PLS3: variants seen among roughly 807,000 people sequenced by gnomAD.
The protein encoded by PLS3 is plastin 3.
PLS3 carries 11 observed loss-of-function variants against 46.5 expected under a neutral mutation model. The ratio of observed to expected loss-of-function variants is 0.24; its 90% CI spans 0.15 to 0.39. The LOEUF (loss-of-function observed/expected upper bound fraction) is 0.39, where lower values mean the gene tolerates loss of function less well. PLS3 is among the 10% of genes least tolerant of loss of function. The pLI is 1.00. For synonymous variants in PLS3, 167 were observed against 162.2 expected, an observed-to-expected ratio of 1.03 and a Z score of -0.22; for missense variants, 308 against 461.8, an observed-to-expected ratio of 0.67 and a Z score of 3.05.
At chrX:115,575,837 T>C (rs1261035297) in intron 1 of PLS3, among the ~76,000 whole-genome samples, 2 of 112,165 alleles carry the variant, frequency 1.8e-5, no homozygotes, top group Non-Finnish European at 3.8e-5. Context: ...GTAGTATTTA[T>C]ACTGGAATAA....
At chrX:115,628,798 T>C (rs1193428200) in intron 3 of PLS3, among the ~76,000 whole-genome samples, 1 of 112,310 alleles carries the variant, frequency 8.9e-6, no homozygotes, top group African/African-American at 3.2e-5. Context: ...GGTTAAATCA[T>C]AAAATTTTAT....
At chrX:115,621,977 G>T in intron 2 of PLS3, 1 of 253,418 alleles carries the variant, frequency 3.9e-6, no homozygotes, top group Non-Finnish European at 6.9e-6. Flanking sequence ...AATAATAATT[G>T]TATTAGCCAA....
At chrX:115,641,255 T>G (rs1321741556) in intron 9 of PLS3, among the ~76,000 whole-genome samples, 2 of 96,003 alleles carry the variant, frequency 2.1e-5, no homozygotes, top group East Asian at 6.4e-4. Context: ...TGAGACAGAG[T>G]CTCACTCTGT....
At chrX:115,616,173 T>C (rs1373360156) in intron 2 of PLS3, among the ~76,000 whole-genome samples, 2 of 112,253 alleles carry the variant, frequency 1.8e-5, no homozygotes, top group African/African-American at 6.5e-5. Context: ...TCAAACATAC[T>C]GAACAGCAAC....
At chrX:115,612,538 G>A (rs1007826456) in intron 2 of PLS3, among the ~76,000 whole-genome samples, 2 of 110,921 alleles carry the variant, frequency 1.8e-5, no homozygotes, top group African/African-American at 6.5e-5. Flanking sequence ...TTTTGTGGGG[G>A]TGGGTTGGCA....
At chrX:115,625,213 G>A (rs1193605249) in intron 3 of PLS3, among the ~76,000 whole-genome samples, 1 of 111,399 alleles carries the variant, frequency 9.0e-6, no homozygotes, top group Non-Finnish European at 1.9e-5. Flanking sequence ...TTGCTTGTTA[G>A]GTTTCTGCTT....
chrX:115,639,247 ATTCCT>A (rs2074870741), intron 8 of PLS3, among the ~76,000 whole-genome samples: 1 of 111,991 alleles, frequency 8.9e-6, no homozygotes, highest in Non-Finnish European at 1.9e-5. Context: ...GTAGTACACT[ATTCCT>A]TAAGAGGTAA....
At chrX:115,607,577 C>T (rs2074506683) in intron 1 of PLS3, among the ~76,000 whole-genome samples, 1 of 108,204 alleles carries the variant, frequency 9.2e-6, no homozygotes, top group Admixed American at 1.0e-4. Context: ...CCGCTCACTG[C>T]AACCTCTACC....
At chrX:115,592,792 T>C (rs1359171532) in intron 1 of PLS3, among the ~76,000 whole-genome samples, 1 of 111,637 alleles carries the variant, frequency 9.0e-6, no homozygotes, top group Non-Finnish European at 1.9e-5. Context: ...ATGGAGTTGC[T>C]CTTATCTTCA....
chrX:115,567,836 C>T (rs1478318579), intron 1 of PLS3, among the ~76,000 whole-genome samples: 1 of 105,850 alleles, frequency 9.4e-6, no homozygotes, highest in Non-Finnish European at 1.9e-5. Flanking sequence ...AGTATATATA[C>T]ACTTATGTGT....
At chrX:115,587,563 G>A (rs910131185) in intron 1 of PLS3, among the ~76,000 whole-genome samples, 4 of 110,939 alleles carry the variant, frequency 3.6e-5, no homozygotes, top group Admixed American at 1.9e-4. Context: ...GTGAAACCCC[G>A]TCTCCACTAA....
At chrX:115,629,646 T>C (rs1478275408) in intron 4 of PLS3, among the ~76,000 whole-genome samples, 189 bp from the exon 5 acceptor site, 1 of 111,889 alleles carries the variant, frequency 8.9e-6, no homozygotes, top group Non-Finnish European at 1.9e-5. Context: ...TGTTCTATTC[T>C]TTTTCTTAAT....
chrX:115,614,567 G>C lies in PLS3; in HGVS notation c.73+4244G>C, dbSNP rs1007236859. On this transcript the variant is annotated intron_variant, in intron 2 of 15. Transcript: ENST00000355899. ...CTGTGAGAAGCAAACCCCATGTTTA[G>C]CTAAGCATCTGGAGATGTTTAGCAG... The C allele has an allele frequency of 4.0e-6, 3 of 748,692 alleles. No homozygotes were observed. The African/African-American group carries it at 7.0e-5, about 17-fold the overall frequency. 61.7% of individuals were successfully genotyped at this position (748,692 alleles called of 1,213,427 possible).
At chrX:115,646,571 A>G (rs1385741393) in intron 13 of PLS3, 36 bp downstream of exon 13, 16 of 1,153,200 alleles carry the variant, frequency 1.4e-5, no homozygotes, top group African/African-American at 7.1e-5. Context: ...AGTCTTTACT[A>G]TCATACAGGT....
At chrX:115,610,674 T>G (rs1556635994) in intron 2 of PLS3, 2 of 320,972 alleles carry the variant, frequency 6.2e-6, no homozygotes, top group African/African-American at 5.5e-5. Flanking sequence ...CTGAAGAGGT[T>G]TGAAACTTTC....
At chrX:115,577,674 C>T (rs1159075247) in intron 1 of PLS3, among the ~76,000 whole-genome samples, 3 of 110,679 alleles carry the variant, frequency 2.7e-5, no homozygotes, top group Admixed American at 9.7e-5. Flanking sequence ...GATGGGGTTT[C>T]GCCATGTTGG....
At chrX:115,575,747 T>G (rs937540600) in intron 1 of PLS3, among the ~76,000 whole-genome samples, 1 of 111,871 alleles carries the variant, frequency 8.9e-6, no homozygotes, top group Admixed American at 9.5e-5. Context: ...CTGGCCTCTA[T>G]CTAAGTTTAG....
chrX:115,624,730 TTAAA>T (rs1371411677), intron 3 of PLS3, among the ~76,000 whole-genome samples: 1 of 112,100 alleles, frequency 8.9e-6, no homozygotes, highest in East Asian at 2.8e-4. Context: ...AGTATATTCT[TTAAA>T]AGTAAAGAAC....
chrX:115,647,405 G>C, intron 13 of PLS3, 145 bp from the exon 14 acceptor site: 4 of 543,662 alleles, frequency 7.4e-6, no homozygotes, highest in Non-Finnish European at 1.1e-5. Flanking sequence ...CTGCACTCCA[G>C]CCTGGGCGAC....
Sources: gnomAD v4.1 joint callset for allele counts (sites outside exome capture counted in the v4.1 genomes callset) on GRCh38, gnomAD v4.1.1 for gene constraint, MANE v1.5 for transcripts, NCBI Gene and HGNC (gene_info 2026-07-23, HGNC 2026-07-21) for gene names.